Variants in ATXN7 observed in about 807,000 individuals in gnomAD.
ATXN7 encodes the protein ataxin-7.
ATXN7 carries 12 observed loss-of-function variants against 70.5 expected under a neutral mutation model. The observed-to-expected ratio is 0.17, with a 90% CI of 0.11 to 0.28. The LOEUF is 0.28. Among genes scored for constraint, ATXN7 ranks in the 10% least tolerant of loss-of-function variants. The probability of loss-of-function intolerance (pLI) is 1.00; values close to 1 mark genes in which losing one functional copy is unlikely to be tolerated. For synonymous variants in ATXN7, 498 were observed against 448.7 expected (o/e 1.11, Z -1.39); for missense variants, 1,256 against 1,131.7 (o/e 1.11, Z -1.58).
At chr3:63,988,574 A>G in intron 9 of ATXN7, 1 of 474,562 alleles carries the variant, frequency 2.1e-6, no homozygotes, top group Admixed American at 4.1e-5. Context: ...CTTGCTGAAC[A>G]TCAAGTGTCT....
chr3:63,912,515 C>A, intron 2 of ATXN7, 73 bp from the exon 3 acceptor site: 1 of 986,384 alleles, frequency 1.0e-6, no homozygotes, highest in Non-Finnish European at 1.2e-6. Context: ...CGCACGCCGC[C>A]GGAACTCCCT....
rs1366123976 is a variant in ATXN7 at position 63,988,125 on chromosome 3, G to A, written c.1162G>A (p.Glu388Lys). 3 of 1,613,838 alleles carry A rather than the reference G, an allele frequency of 1.9e-6. No individual in the cohort carries two copies. Among genetic ancestry groups the A allele is most frequent in the East Asian group, 2.2e-5 (1 of 44,874 alleles). ...AAAACGATTTGATGTGTTATTAGCC[G>A]AGCACAAAAACAAAACCAGGGAAAA... is the stretch of plus-strand genomic sequence containing the variant. Reference protein sequence around the residue: ...RRKRFDVLLAEHKNKTREKEL... With the variant: ...RRKRFDVLLAKHKNKTREKEL... The change falls in exon 9 of 13, where the codon GAG (glutamate) becomes AAG (lysine). Residue 388 changes from glutamate (E) to lysine (K), a missense_variant. Glu to Lys is a moderately conservative substitution (Grantham distance 56). Coordinates refer to ENST00000674280, the MANE Select transcript of ATXN7 (RefSeq NM_001377405.1).
chr3:63,974,202 T>G (rs563637318), intron 5 of ATXN7, among the ~76,000 whole-genome samples: 1 of 152,350 alleles, frequency 6.6e-6, no homozygotes, highest in Non-Finnish European at 1.5e-5. Context: ...AGCTGATTTT[T>G]AGCTTAGCAA....
intron 4 of ATXN7, among the ~76,000 whole-genome samples, chr3:63,945,850 C>G (rs2074850243): frequency 6.6e-6 from 1 of 152,184 alleles, no homozygotes; most frequent in Admixed American, 6.5e-5. Context: ...AAGCCAGGTA[C>G]AGGTCTGGGG....
At chr3:63,949,230 C>T (rs2074914566) in intron 4 of ATXN7, among the ~76,000 whole-genome samples, 1 of 150,950 alleles carries the variant, frequency 6.6e-6, no homozygotes. Flanking sequence ...TGGAATGTCC[C>T]AGAGCAGAAA....
intron 5 of ATXN7, among the ~76,000 whole-genome samples, chr3:63,979,652 A>T (rs1036145133): frequency 6.6e-6 from 1 of 152,088 alleles, no homozygotes; most frequent in Admixed American, 6.5e-5. Context: ...CATGTTTACG[A>T]TGGTTGTCTA....
intron 4 of ATXN7, among the ~76,000 whole-genome samples, 173 bp downstream of exon 4, chr3:63,913,398 G>C (rs1016822435): frequency 2.6e-5 from 4 of 152,124 alleles, no homozygotes; most frequent in South Asian, 4.1e-4. Context: ...TTTGGTTTGG[G>C]GGCCTCCTGT....
chr3:63,981,347 G>A (rs1221378049), intron 6 of ATXN7, among the ~76,000 whole-genome samples: 1 of 152,218 alleles, frequency 6.6e-6, no homozygotes, highest in Admixed American at 6.5e-5. Flanking sequence ...CGGTGCCAGT[G>A]TAGTGTGTAA....
intron 11 of ATXN7, among the ~76,000 whole-genome samples, chr3:63,993,664 A>G (rs561111071): frequency 6.6e-6 from 1 of 152,334 alleles, no homozygotes; most frequent in African/African-American, 2.4e-5. Flanking sequence ...ACTACTTAAA[A>G]GAGCTTTTCT....
intron 4 of ATXN7, among the ~76,000 whole-genome samples, chr3:63,932,871 T>A (rs2107345006): frequency 6.6e-6 from 1 of 152,338 alleles, no homozygotes; most frequent in East Asian, 1.9e-4. Context: ...GATTGTTACA[T>A]GTCATCACAG....
intron 2 of ATXN7, among the ~76,000 whole-genome samples, chr3:63,899,124 A>G (rs704360): frequency 0.8 from 121,023 of 151,256 alleles, 49,348 homozygotes; most frequent in South Asian, 0.89. Flanking sequence ...GTGTAGTGGC[A>G]TGATCGTGGC....
intron 1 of ATXN7, among the ~76,000 whole-genome samples, chr3:63,889,720 A>T (rs1703196772): frequency 6.6e-6 from 1 of 152,224 alleles, no homozygotes; most frequent in African/African-American, 2.4e-5. Context: ...CCAGGATACC[A>T]TTCTGCAGCA....
intron 4 of ATXN7, among the ~76,000 whole-genome samples, chr3:63,929,466 T>A (rs1411449587): frequency 1.3e-5 from 2 of 152,006 alleles, no homozygotes; most frequent in African/African-American, 4.8e-5. Flanking sequence ...AGAGACCGGG[T>A]TTCACCATGT....
intron 5 of ATXN7, among the ~76,000 whole-genome samples, chr3:63,961,717 G>A (rs1277276250): frequency 6.6e-6 from 1 of 151,696 alleles, no homozygotes; most frequent in Non-Finnish European, 1.5e-5. Context: ...TTTTTAAAAA[G>A]GCTTAATAAA....
At chr3:63,957,923 T>C (rs2106679485) in intron 5 of ATXN7, among the ~76,000 whole-genome samples, 1 of 152,338 alleles carries the variant, frequency 6.6e-6, no homozygotes, top group Admixed American at 6.5e-5. Context: ...TAGAATCTCA[T>C]GTTGATCTGT....
rs959959349 is a variant in ATXN7 at position 63,982,794 on chromosome 3, G to A, written c.1013-145G>A. On this transcript the variant is annotated intron_variant, in intron 7 of 12. Transcript: ENST00000674280. ...TGCTGCTTTGTTGCAGCACTCACAC[G>A]TTGTATATTTTTTATTTTATTGATA... 3.1e-5 allele frequency: 16 copies of A among 519,542 alleles called. No individual in the cohort carries two copies. The Admixed American group carries it at 3.1e-4, about 10-fold the overall frequency. 32.2% of individuals were successfully genotyped at this position (519,542 alleles called of 1,614,324 possible). A position where few individuals can be genotyped will look rare whatever the true frequency, so the allele number is the denominator to read the frequency against.
At chr3:63,946,753 A>G (rs954958861) in intron 4 of ATXN7, among the ~76,000 whole-genome samples, 1 of 152,160 alleles carries the variant, frequency 6.6e-6, no homozygotes, top group Non-Finnish European at 1.5e-5. Context: ...AGGGACCAGA[A>G]TGCTAGGTAG....
In ATXN7 at chr3:63,997,660, A is replaced by G. The variant is rs559076613; in HGVS notation, c.2661+1177A>G. 2.6e-5 allele frequency: 41 copies of G among 1,552,266 alleles called. No homozygotes were observed. The South Asian group carries it at 3.6e-4, about 14-fold the overall frequency. ...TTGCTTACGAACAGGAATTTCAGCA[A>G]CATCACCCCAGAGCCCTGACTTAAA... On this transcript the variant is annotated intron_variant, in intron 12 of 12. Coordinates refer to ENST00000674280, the MANE Select transcript of ATXN7 (RefSeq NM_001377405.1).
Position 63,995,435 on chromosome 3 carries a change from G to A in ATXN7, c.1683-70G>A. On this transcript the variant is annotated intron_variant, in intron 11 of 12. Transcript: ENST00000674280. Reference sequence around the variant, plus strand: ...TTTCTCTTTGTCACAAGCAAAGAGGGTGGTGCCATCTGAAAGTCTCTGTGA... The same window carrying A: ...TTTCTCTTTGTCACAAGCAAAGAGGATGGTGCCATCTGAAAGTCTCTGTGA... 5 of 1,540,554 alleles carry A rather than the reference G, an allele frequency of 3.2e-6. No homozygotes were observed. The Admixed American group carries it at 5.1e-5, about 16-fold the overall frequency.
Sources: gnomAD v4.1 joint callset for allele counts (sites outside exome capture counted in the v4.1 genomes callset) on GRCh38, gnomAD v4.1.1 for gene constraint, MANE v1.5 for transcripts, NCBI Gene and HGNC (gene_info 2026-07-23, HGNC 2026-07-21) for gene names.